The following TRPM2 variants were observed in gnomAD, a reference collection of about 807,000 sequenced individuals.
TRPM2 encodes the protein estrogen-responsive element-associated gene 1 protein.
TRPM2 carries 161 observed loss-of-function variants against 174.0 expected under a neutral mutation model. The observed-to-expected ratio is 0.93, with a 90% CI of 0.81 to 1.05. The LOEUF (loss-of-function observed/expected upper bound fraction) is 1.05. TRPM2 is among the 50% of genes least tolerant of loss of function. TRPM2 has a pLI of 0.00. For missense variants in TRPM2, 2,057 were observed against 2,038.0 expected (o/e 1.01, Z -0.18); for synonymous variants, 954 against 861.3 (o/e 1.11, Z -1.88).
rs956769802 is a variant in TRPM2, at chr21:44,400,204, A to G, written c.2209-55A>G. ...AGTCCTCAGCAGACAGCTGACGGGC[A>G]CCATCTGGGGCACAGGGCTGGGCAC... On this transcript the variant is annotated intron_variant, in intron 14 of 31. Transcript: ENST00000397928. The G allele has an allele frequency of 2.9e-5, 43 of 1,488,506 alleles. No individual in the cohort carries two copies. In the South Asian group the frequency reaches 4.4e-4, roughly 15 times the overall value. The allele number at this position is 1,488,506 out of a possible 1,614,324, so 92.2% of individuals were successfully genotyped here.
At chr21:44,356,165 A>G (rs1264888074) in intron 2 of TRPM2, among the ~76,000 whole-genome samples, 1 of 131,638 alleles carries the variant, frequency 7.6e-6, no homozygotes, top group Non-Finnish European at 1.6e-5. Flanking sequence ...TACAGGCGTG[A>G]GCCACTGCAT....
rs749362420 is a variant in TRPM2, at chr21:44,424,833, C to T, written c.3550-19C>T. ...TGTGGGTGGCAGGTGCTCACTGTGT[C>T]TCGGGCCATGCCTTCCAGGTGGCCC... On this transcript the variant is annotated intron_variant, in intron 23 of 31. Coordinates refer to ENST00000397928, the MANE Select transcript of TRPM2 (RefSeq NM_003307.4). The T allele has an allele frequency of 5.8e-6, 9 of 1,558,440 alleles. No individual in the cohort carries two copies. In the South Asian group the frequency reaches 1.1e-4, roughly 18 times the overall value.
At chr21:44,436,864 G>A (rs1192204756) in intron 28 of TRPM2, among the ~76,000 whole-genome samples, 198 bp from the exon 29 acceptor site, 2 of 152,178 alleles carry the variant, frequency 1.3e-5, no homozygotes. Flanking sequence ...CAGCTATGAT[G>A]GAAGTGAAGA....
intron 22 of TRPM2, chr21:44,422,250 C>T: frequency 6.5e-7 from 1 of 1,534,888 alleles, no homozygotes; most frequent in South Asian, 1.2e-5. Flanking sequence ...GCTGAGTTCA[C>T]CAAAGCTCCT....
rs1220791659 is a variant in TRPM2 at position 44,435,325 on chromosome 21, A to C, written c.4061+108A>C. ...CTCAGGGGCCGGGAGGGCGGCTTTG[A>C]TGCTTGGCACTTGGTGCCTACTGGG... On this transcript the variant is annotated intron_variant, in intron 28 of 31. Coordinates refer to ENST00000397928, the MANE Select transcript of TRPM2 (RefSeq NM_003307.4). The C allele has an allele frequency of 7.3e-6, 9 of 1,238,182 alleles. No homozygotes were observed. The African/African-American group carries it at 1.2e-4, about 17-fold the overall frequency. 76.7% of individuals were successfully genotyped at this position (1,238,182 alleles called of 1,614,324 possible). A position where few individuals can be genotyped will look rare whatever the true frequency, so the allele number is the denominator to read the frequency against.
Position 44,391,629 on chromosome 21 carries a change from C to G in TRPM2, c.1794+4C>G. 1 of 1,565,940 alleles carries G rather than the reference C, an allele frequency of 6.4e-7. No individual in the cohort carries two copies. Among genetic ancestry groups the G allele is most frequent in the East Asian group, 2.3e-5 (1 of 44,388 alleles). On this transcript the variant is annotated splice_donor_region_variant and intron_variant, in intron 11 of 31. Transcript: ENST00000397928. The surrounding 1 kb of genome is among the most constrained non-coding windows in gnomAD (Gnocchi z 5.0). ...CGTTCCCCACGTCAAGCTCAACGTGCGTGCTGGTAACGGGGCCCATCCTGG... is the reference window on the plus strand; with the variant it reads ...CGTTCCCCACGTCAAGCTCAACGTGGGTGCTGGTAACGGGGCCCATCCTGG...
chr21:44,363,656 C>T (rs139622287), intron 2 of TRPM2, among the ~76,000 whole-genome samples: 2 of 152,264 alleles, frequency 1.3e-5, no homozygotes, highest in East Asian at 3.9e-4. Context: ...ACATCTGTGT[C>T]ATCTTGGCGT....
chr21:44,377,006 G>A (rs1354788199), intron 6 of TRPM2, among the ~76,000 whole-genome samples: 1 of 150,976 alleles, frequency 6.6e-6, no homozygotes, highest in Non-Finnish European at 1.5e-5. Context: ...CAGGGACCAG[G>A]GACCACACTT....
At position 44,426,701 on chromosome 21, in the gene TRPM2, G is replaced by C; in HGVS notation, c.3837G>C (p.Glu1279Asp). Residue 1279 changes from glutamate to aspartate, a missense_variant, in exon 26 of 32, where the codon GAG becomes GAC. Coordinates refer to ENST00000397928, the MANE Select transcript of TRPM2 (RefSeq NM_003307.4). ...ATGACCCACCCTTTTACACGGCAGA[G>C]AGGAAGGACGCGGCCGCCATGGACC... is the stretch of plus-strand genomic sequence containing the variant. ...LIYDPPFYTAERKDAAAMDPM... is the reference protein window; with the variant it reads ...LIYDPPFYTADRKDAAAMDPM... 1 of 1,614,162 alleles carries C rather than the reference G, an allele frequency of 6.2e-7. No individual in the cohort carries two copies. Among genetic ancestry groups the C allele is most frequent in the Non-Finnish European group, 8.5e-7 (1 of 1,180,020 alleles).
chr21:44,425,528 C>T (rs1017253412), intron 24 of TRPM2, 142 bp from the exon 25 acceptor site: 26 of 1,054,994 alleles, frequency 2.5e-5, no homozygotes, highest in Non-Finnish European at 2.8e-5. Flanking sequence ...AGCTGGTGTT[C>T]GACCTGCATG....
chr21:44,399,461 T>G lies in TRPM2; in HGVS notation c.2208+20T>G. Reference sequence around the variant, plus strand: ...ATCCAGGTGACCTCCCAAGAGCCCCTTCCAGAAACAGACGCCTGTGGTGCC... The same window carrying G: ...ATCCAGGTGACCTCCCAAGAGCCCCGTCCAGAAACAGACGCCTGTGGTGCC... On this transcript the variant is annotated intron_variant, in intron 14 of 31. Transcript: ENST00000397928. This position sits in a 1 kb window ranked among gnomAD's most constrained non-coding sequence, Gnocchi z 4.6. 1 of 1,602,816 alleles carries G rather than the reference T, an allele frequency of 6.2e-7. No individual in the cohort carries two copies. Among genetic ancestry groups the G allele is most frequent in the Non-Finnish European group, 8.5e-7 (1 of 1,174,356 alleles).
At chr21:44,436,972 C>T in intron 28 of TRPM2, 90 bp from the exon 29 acceptor site, 1 of 1,186,592 alleles carries the variant, frequency 8.4e-7, no homozygotes, top group South Asian at 1.4e-5. Context: ...CTGACACTGC[C>T]CCGCCCCAGG....
In TRPM2 at chr21:44,432,577, C is replaced by T. The variant is rs544387501; in HGVS notation, c.3975-2554C>T. Among the ~76,000 whole-genome samples the T allele has an allele frequency of 1.1e-4, 16 of 152,310 alleles. No homozygotes were observed. The highest frequency in any genetic ancestry group is 7.2e-4 in the Admixed American group (11 of 15,304). ...CCATTGCCTTTCAAGGACCTCATCC[C>T]GGGAATGTCCTGCTCCTCCTGCACC... On this transcript the variant is annotated intron_variant, in intron 27 of 31. Transcript: ENST00000397928. The surrounding 1 kb of genome is among the most constrained non-coding windows in gnomAD (Gnocchi z 4.9).
At chr21:44,378,739 G>T (rs2048782727) in intron 7 of TRPM2, among the ~76,000 whole-genome samples, 2 of 152,192 alleles carry the variant, frequency 1.3e-5, no homozygotes, top group African/African-American at 4.8e-5. Context: ...GCAGGTCCAT[G>T]GGCAAAAATG....
chr21:44,407,339 C>G (rs183476802), intron 19 of TRPM2, among the ~76,000 whole-genome samples: 229 of 148,492 alleles, frequency 1.5e-3, no homozygotes, highest in African/African-American at 5.5e-3. Context: ...GTGGCCCAGG[C>G]TAGTATCGAA....
At chr21:44,426,922 C>A (rs1301781583) in intron 26 of TRPM2, 88 bp from the exon 27 acceptor site, 5 of 1,419,546 alleles carry the variant, frequency 3.5e-6, no homozygotes, top group Non-Finnish European at 4.8e-6. Flanking sequence ...CTCGGCTGGG[C>A]CCTTGGTGGG....
chr21:44,379,189 A>G lies in TRPM2; in HGVS notation c.1207A>G (p.Thr403Ala), dbSNP rs1341624531. Residue 403 changes from threonine to alanine, a missense_variant, in exon 8 of 32, where the codon ACC (threonine) becomes GCC (alanine). Thr to Ala is a moderately conservative substitution (Grantham distance 58). Transcript: ENST00000397928. ...CACGGAAAGCAGGATTGTCGAGTGG[A>G]CCAAAAAGGTGAGGCTGACGGGCAC... ...TFTESRIVEWTKKIQDIVRRR... is the reference protein window; with the variant it reads ...TFTESRIVEWAKKIQDIVRRR... 5.6e-6 allele frequency: 9 copies of G among 1,612,760 alleles called. No individual in the cohort carries two copies. Among genetic ancestry groups the G allele is most frequent in the Non-Finnish European group, 7.6e-6 (9 of 1,180,000 alleles).
chr21:44,372,189 A>G (rs1399498470), intron 5 of TRPM2, among the ~76,000 whole-genome samples: 1 of 151,852 alleles, frequency 6.6e-6, no homozygotes, highest in Non-Finnish European at 1.5e-5. Flanking sequence ...CAGAAACTCC[A>G]AGATCAAAAT....
chr21:44,429,438 C>G (rs1281463819), intron 27 of TRPM2, among the ~76,000 whole-genome samples: 1 of 151,690 alleles, frequency 6.6e-6, no homozygotes, highest in Admixed American at 6.6e-5. Flanking sequence ...CAGGCATCCA[C>G]CACCATGCCC....
Sources: gnomAD v4.1 joint callset for allele counts (sites outside exome capture counted in the v4.1 genomes callset) on GRCh38, gnomAD v4.1.1 for gene constraint, Gnocchi (gnomAD v3.1) non-coding constraint, MANE v1.5 for transcripts, NCBI Gene and HGNC (gene_info 2026-07-23, HGNC 2026-07-21) for gene names.